PTPRD: variants seen among roughly 807,000 people sequenced by gnomAD.
PTPRD encodes receptor-type tyrosine-protein phosphatase delta.
A neutral mutation model predicts 214.5 loss-of-function variants in PTPRD; 34 were observed. The ratio of observed to expected loss-of-function variants is 0.16; its 90% confidence interval spans 0.12 to 0.21. The LOEUF (loss-of-function observed/expected upper bound fraction) is 0.21, where lower values mean the gene tolerates loss of function less well. Ranked by LOEUF, PTPRD falls within the 10% of genes least tolerant of loss-of-function variation. PTPRD has a pLI of 1.00. For missense variants in PTPRD, 2,545 were observed against 2,398.7 expected (o/e 1.06, Z -1.27); for synonymous variants, 1,128 against 845.7 (o/e 1.33, Z -5.79).
chr9:10,440,390 A>G (rs573140444), intron 2 of PTPRD, among the ~76,000 whole-genome samples: 1 of 151,836 alleles, frequency 6.6e-6, no homozygotes, highest in Non-Finnish European at 1.5e-5. Flanking sequence ...CAGTACTATC[A>G]TATAAATCAT....
chr9:9,566,677 T>G (rs1053854062), intron 8 of PTPRD, among the ~76,000 whole-genome samples: 1 of 152,090 alleles, frequency 6.6e-6, no homozygotes, highest in Admixed American at 6.6e-5. Context: ...CACCAGCTTT[T>G]AAGAAAAGCT....
chr9:9,458,531 A>T (rs1228519466), intron 8 of PTPRD, among the ~76,000 whole-genome samples: 1 of 152,102 alleles, frequency 6.6e-6, no homozygotes, highest in African/African-American at 2.4e-5. Context: ...AAAGTGAAAA[A>T]TATTGTGTCA....
intron 3 of PTPRD, among the ~76,000 whole-genome samples, chr9:10,230,370 T>C (rs2099604448): frequency 6.6e-6 from 1 of 151,980 alleles, no homozygotes; most frequent in Non-Finnish European, 1.5e-5. Context: ...CTGATCTTCT[T>C]AGTCTTTTCT....
At chr9:8,593,962 A>G (rs1416639102) in intron 14 of PTPRD, among the ~76,000 whole-genome samples, 2 of 152,316 alleles carry the variant, frequency 1.3e-5, no homozygotes, top group East Asian at 3.9e-4. Flanking sequence ...ATATATATGC[A>G]TATCTCATAT....
chr9:9,493,630 T>A (rs1172110868), intron 8 of PTPRD, among the ~76,000 whole-genome samples: 2 of 151,144 alleles, frequency 1.3e-5, no homozygotes, highest in African/African-American at 4.9e-5. Context: ...CTACTAAACA[T>A]ACAAAAAATT....
chr9:10,176,090 A>C (rs1475326561), intron 3 of PTPRD, among the ~76,000 whole-genome samples: 1 of 151,974 alleles, frequency 6.6e-6, no homozygotes, highest in African/African-American at 2.4e-5. Flanking sequence ...TCATAAAAGC[A>C]AAGGTTTTTT....
At chr9:8,780,175 G>A (rs552658441) in intron 11 of PTPRD, among the ~76,000 whole-genome samples, 5 of 152,006 alleles carry the variant, frequency 3.3e-5, no homozygotes, top group Admixed American at 6.6e-5. Context: ...CATAATTATT[G>A]ACACAAAATT....
At chr9:8,667,705 G>C (rs910240667) in intron 12 of PTPRD, among the ~76,000 whole-genome samples, 4 of 151,962 alleles carry the variant, frequency 2.6e-5, no homozygotes, top group Admixed American at 6.6e-5. Flanking sequence ...TTTGTGTTTA[G>C]ACTTGGGTCC....
intron 9 of PTPRD, among the ~76,000 whole-genome samples, chr9:9,265,852 T>C (rs1334148904): frequency 6.6e-6 from 1 of 151,372 alleles, no homozygotes; most frequent in Non-Finnish European, 1.5e-5. Context: ...CAGGAAATCA[T>C]AAGTAAAATG....
rs150002582 is a variant in PTPRD, at chr9:9,200,306, C to G, written c.-202-16943G>C. On this transcript the variant is annotated intron_variant, in intron 9 of 45. Coordinates refer to ENST00000381196, the MANE Select transcript of PTPRD (RefSeq NM_002839.4). ...TTTGTTATGTGAGATGAAACACATT[C>G]CTTTCATTTAACCCAATTTGAATGT... Among the ~76,000 whole-genome samples, 105 of 152,274 alleles carry G rather than the reference C, an allele frequency of 6.9e-4. No homozygotes were observed. In the East Asian group the frequency reaches 9.8e-3, roughly 14 times the overall value.
At chr9:9,141,789 T>C (rs939069478) in intron 10 of PTPRD, among the ~76,000 whole-genome samples, 7 of 151,180 alleles carry the variant, frequency 4.6e-5, no homozygotes, top group Non-Finnish European at 1.0e-4. Context: ...ATATATTATA[T>C]ATCTCTATAT....
chr9:9,932,421 G>A (rs1366431565), intron 5 of PTPRD, among the ~76,000 whole-genome samples: 2 of 147,534 alleles, frequency 1.4e-5, no homozygotes, highest in Admixed American at 6.7e-5. Flanking sequence ...CCAGAACTAC[G>A]TGAAGAATGC....
chr9:10,064,771 T>TA (rs937116672), intron 3 of PTPRD, among the ~76,000 whole-genome samples: 6 of 151,922 alleles, frequency 3.9e-5, no homozygotes, highest in Middle Eastern at 3.4e-3. Flanking sequence ...TAAACTTGTA[T>TA]AAAAAAAACT....
intron 6 of PTPRD, among the ~76,000 whole-genome samples, chr9:9,745,337 C>CT (rs1017601646): frequency 6.6e-6 from 1 of 152,002 alleles, no homozygotes; most frequent in Non-Finnish European, 1.5e-5. Context: ...ATTCTGACTA[C>CT]TTTTTTTGTT....
chr9:9,818,915 C>CAA lies in PTPRD; in HGVS notation c.-367-52066_-367-52065dup, dbSNP rs58616042. Among the ~76,000 whole-genome samples the CAA allele has an allele frequency of 2.6e-3, 233 of 88,944 alleles. 1 individual carries two copies. Among genetic ancestry groups the CAA allele is most frequent in the African/African-American group, 5.3e-3 (128 of 24,142 alleles). 58.4% of individuals were successfully genotyped at this position (88,944 alleles called of 152,430 possible). ...TGGGCAACAGAGCAAGACACTGTCT[C>CAA]AAAAAAAAAAAAAAAAAAAAAAAGT... On this transcript the variant is annotated intron_variant, in intron 5 of 45. Coordinates refer to ENST00000381196, the MANE Select transcript of PTPRD (RefSeq NM_002839.4).
intron 2 of PTPRD, among the ~76,000 whole-genome samples, chr9:10,389,297 C>T (rs898816031): frequency 1.3e-5 from 2 of 151,780 alleles, no homozygotes; most frequent in African/African-American, 4.8e-5. Flanking sequence ...TGAAATGCTC[C>T]CAGTGTGAGA....
At chr9:10,093,201 T>A (rs915671437) in intron 3 of PTPRD, among the ~76,000 whole-genome samples, 5 of 151,504 alleles carry the variant, frequency 3.3e-5, no homozygotes, top group South Asian at 2.1e-4. Context: ...AAACTATGCA[T>A]CAAGAAAAGT....
chr9:8,776,261 G>A lies in PTPRD; in HGVS notation c.-103-42315C>T, dbSNP rs537856381. 2.6e-5 allele frequency among the ~76,000 whole-genome samples: 4 copies of A among 152,234 alleles called. No homozygotes were observed. The East Asian group carries it at 7.7e-4, about 29-fold the overall frequency. On this transcript the variant is annotated intron_variant, in intron 11 of 45. Transcript: ENST00000381196. ...AGGCTCAGTTTGCCATGGGTAAAAT[G>A]GGATGTTGTCAAAGTTAAACTAGAC...
intron 10 of PTPRD, among the ~76,000 whole-genome samples, chr9:9,131,997 TTTTGTTTG>T (rs764403016): frequency 2.6e-5 from 4 of 151,856 alleles, no homozygotes; most frequent in African/African-American, 4.8e-5. Context: ...GCCACTAGTT[TTTTGTTTG>T]TTTGTTTGTT....
Sources: gnomAD v4.1 joint callset for allele counts (sites outside exome capture counted in the v4.1 genomes callset) on GRCh38, gnomAD v4.1.1 for gene constraint, MANE v1.5 for transcripts, NCBI Gene and HGNC (gene_info 2026-07-23, HGNC 2026-07-21) for gene names.